The following ZNF608 variants were observed in gnomAD, a reference collection of about 807,000 sequenced individuals.
ZNF608 encodes renal carcinoma antigen NY-REN-36.
A neutral mutation model predicts 109.0 loss-of-function variants in ZNF608; 12 were observed. That is an observed-to-expected ratio of 0.11 (90% CI 0.07 to 0.18). The LOEUF is 0.18. Among genes scored for constraint, ZNF608 ranks in the 10% least tolerant of loss-of-function variants. The pLI is 1.00. For synonymous variants in ZNF608, 732 were observed against 717.4 expected (o/e 1.02, Z -0.33); for missense variants, 1,707 against 1,879.3 (o/e 0.91, Z 1.70).
chr5:124,747,158 T>A (rs919051291), upstream of ZNF608, among the ~76,000 whole-genome samples: 19 of 150,756 alleles, frequency 1.3e-4, no homozygotes, highest in Non-Finnish European at 2.8e-4. Flanking sequence ...CAAAATAAGG[T>A]TTTTGTTTTC....
rs1326561071 is a variant in ZNF608 at position 124,744,690 on chromosome 5, C to G, written c.300G>C (p.Glu100Asp). Residue 100 changes from glutamate to aspartate, a missense_variant, in exon 2 of 10, where the codon GAG (glutamate) becomes GAC (aspartate). By Grantham distance (45) the Glu-to-Asp change is conservative. This residue lies in a region of ZNF608 where 407 missense variants were observed against 398.7 expected (regional missense o/e 1.02). Coordinates refer to ENST00000513986, the MANE Select transcript of ZNF608 (RefSeq NM_020747.3). This position sits in a 1 kb window ranked among gnomAD's most constrained non-coding sequence, Gnocchi z 4.5. ...ASAPQGNSHKETSKSKVKRSK... is the reference protein window; with the variant it reads ...ASAPQGNSHKDTSKSKVKRSK... ...TCCTTTTCACTTTTGATTTGCTGGT[C>G]TCTTTGTGTGAATTCCCCTGGGGAG... The G allele has an allele frequency of 1.2e-6, 2 of 1,614,058 alleles. No individual in the cohort carries two copies. The highest frequency in any genetic ancestry group is 1.7e-5 in the Admixed American group (1 of 59,996).
intron 1 of ZNF608, 80 bp from the exon 2 acceptor site, chr5:124,745,252 G>A (rs1280329081): frequency 1.6e-6 from 2 of 1,245,030 alleles, no homozygotes; most frequent in Non-Finnish European, 1.0e-6. Flanking sequence ...TGGGGAATCA[G>A]TAAAGGGGAC....
upstream of ZNF608, among the ~76,000 whole-genome samples, chr5:124,747,684 T>G (rs1749688076): frequency 1.3e-5 from 2 of 148,864 alleles, no homozygotes; most frequent in East Asian, 4.2e-4. Flanking sequence ...ATGTGAAACA[T>G]TTCTCGGAGA....
intron 2 of ZNF608, among the ~76,000 whole-genome samples, chr5:124,721,890 C>T (rs1225941993): frequency 1.5e-5 from 2 of 131,494 alleles, no homozygotes; most frequent in African/African-American, 2.9e-5. Context: ...TACAGTGAGC[C>T]GAGATCGTAC....
At chr5:124,667,596 C>T (rs76754537) in intron 3 of ZNF608, among the ~76,000 whole-genome samples, 2,893 of 152,296 alleles carry the variant, frequency 0.019, 91 homozygotes, top group African/African-American at 0.066. Flanking sequence ...GACAGACACC[C>T]CTGTCTCTGC....
intron 2 of ZNF608, among the ~76,000 whole-genome samples, chr5:124,717,019 T>G (rs920909605): frequency 2.0e-5 from 3 of 151,786 alleles, no homozygotes; most frequent in Non-Finnish European, 4.4e-5. Context: ...GAGACGGAGG[T>G]TGCAGTGAGC....
intron 2 of ZNF608, among the ~76,000 whole-genome samples, chr5:124,731,465 C>T (rs926213420): frequency 1.3e-4 from 20 of 152,092 alleles, no homozygotes; most frequent in African/African-American, 4.8e-4. Flanking sequence ...CCCACCTCAG[C>T]CTTCCAAAGT....
At chr5:124,729,295 C>A (rs1178348811) in intron 2 of ZNF608, among the ~76,000 whole-genome samples, 1 of 152,214 alleles carries the variant, frequency 6.6e-6, no homozygotes, top group African/African-American at 2.4e-5. Flanking sequence ...GAAGAACAGG[C>A]TAGCCCAGGC....
intron 4 of ZNF608, 38 bp from the exon 5 acceptor site, chr5:124,649,171 C>G (rs1432873465): frequency 6.7e-7 from 1 of 1,495,376 alleles, no homozygotes; most frequent in Admixed American, 2.3e-5. Context: ...ATGAGCATCC[C>G]CAAAAGAGCC....
chr5:124,658,274 G>A (rs757815048), intron 3 of ZNF608, among the ~76,000 whole-genome samples: 6 of 152,138 alleles, frequency 3.9e-5, no homozygotes, highest in African/African-American at 1.2e-4. Context: ...GTCCCTCAGC[G>A]CTCAGTCAAC....
intron 2 of ZNF608, among the ~76,000 whole-genome samples, chr5:124,732,774 T>G (rs1748965097): frequency 6.6e-6 from 1 of 152,092 alleles, no homozygotes. Context: ...CCACCCTCTT[T>G]CCCACACACC....
At chr5:124,681,872 A>C in intron 3 of ZNF608, among the ~76,000 whole-genome samples, 1 of 152,218 alleles carries the variant, frequency 6.6e-6, no homozygotes, top group Non-Finnish European at 1.5e-5. Context: ...CAGGAAGGAC[A>C]TTGGACTCCT....
chr5:124,684,520 C>A (rs1489671411), intron 3 of ZNF608, among the ~76,000 whole-genome samples: 1 of 152,144 alleles, frequency 6.6e-6, no homozygotes, highest in Non-Finnish European at 1.5e-5. Flanking sequence ...TGAACTACAT[C>A]ATATTTAGGT....
Position 124,648,866 on chromosome 5 carries a change from C to A in ZNF608, c.1518G>T (p.Met506Ile). 6.2e-7 allele frequency: 1 copy of A among 1,613,988 alleles called. No homozygotes were observed. The highest frequency in any genetic ancestry group is 8.5e-7 in the Non-Finnish European group (1 of 1,179,928). The change falls in exon 5 of 10, where the codon ATG (methionine) becomes ATT (isoleucine). Residue 506 changes from methionine (M) to isoleucine (I), a missense_variant. Met to Ile is a conservative substitution (Grantham distance 10). Coordinates refer to ENST00000513986, the MANE Select transcript of ZNF608 (RefSeq NM_020747.3). ...STNKRKNKPPMELDLNSSSED... is the reference protein window; with the variant it reads ...STNKRKNKPPIELDLNSSSED... ...CAGAGCTGGAGTTCAGGTCCAGCTC[C>A]ATTGGAGGCTTGTTTTTCCTTTTGT...
At chr5:124,720,920 G>A (rs1753877798) in intron 2 of ZNF608, among the ~76,000 whole-genome samples, 1 of 130,090 alleles carries the variant, frequency 7.7e-6, no homozygotes, top group African/African-American at 2.9e-5. Context: ...TATAATAAAC[G>A]CTTCTCTCTT....
At chr5:124,675,421 T>C (rs966391932) in intron 3 of ZNF608, among the ~76,000 whole-genome samples, 2 of 152,150 alleles carry the variant, frequency 1.3e-5, no homozygotes, top group Non-Finnish European at 2.9e-5. Flanking sequence ...TGCAGGAAAA[T>C]TTACAAAAAA....
chr5:124,706,567 T>C (rs1428247518), intron 2 of ZNF608, among the ~76,000 whole-genome samples: 1 of 152,214 alleles, frequency 6.6e-6, no homozygotes, highest in African/African-American at 2.4e-5. Flanking sequence ...GGGGGATTAT[T>C]AGTCTAATAA....
In ZNF608 at chr5:124,744,038, G is replaced by A; in HGVS notation, c.906+46C>T. 6.5e-7 allele frequency: 1 copy of A among 1,535,222 alleles called. No homozygotes were observed. Among genetic ancestry groups the A allele is most frequent in the East Asian group, 2.3e-5 (1 of 44,162 alleles). ...CACACCCCCACACACCCACACAAAT[G>A]CACACAGAGGAGAGTAGGACATCTA... On this transcript the variant is annotated intron_variant, in intron 2 of 9. Transcript: ENST00000513986. This position sits in a 1 kb window ranked among gnomAD's most constrained non-coding sequence, Gnocchi z 4.5.
In ZNF608 at chr5:124,649,227, T is replaced by A. The variant is rs1750677951; in HGVS notation, c.1251-94A>T. The A allele has an allele frequency of 3.9e-6, 4 of 1,023,302 alleles. No individual in the cohort carries two copies. In the East Asian group the frequency reaches 7.9e-5, roughly 20 times the overall value. 63.4% of individuals were successfully genotyped at this position (1,023,302 alleles called of 1,614,324 possible). On this transcript the variant is annotated intron_variant, in intron 4 of 9. Transcript: ENST00000513986. ...CAATGCAGTAAAGAGGAGTCAACAC[T>A]CCAGTAGCTTCAGGGCTGGGCCCAG...
Sources: allele counts gnomAD v4.1 joint callset (sites outside exome capture counted in the v4.1 genomes callset), GRCh38; gene constraint gnomAD v4.1.1; regional missense constraint gnomAD v4.1.1; non-coding constraint Gnocchi (gnomAD v3.1); transcripts MANE v1.5; gene names NCBI Gene and HGNC (gene_info 2026-07-23, HGNC 2026-07-21).